The following NEK10 variants were observed in gnomAD, a reference collection of about 807,000 sequenced individuals.
NEK10 encodes the protein NIMA related kinase 10.
In NEK10, 122 loss-of-function variants were observed where a neutral mutation model predicts 159.8. The ratio of observed to expected loss-of-function variants is 0.76; its 90% CI spans 0.66 to 0.89. NEK10 has a LOEUF of 0.89. Among genes scored for constraint, NEK10 ranks in the 40% least tolerant of loss-of-function variants. The pLI is 0.00. For synonymous variants in NEK10, 466 were observed against 457.1 expected (o/e 1.02, Z -0.25); for missense variants, 1,342 against 1,323.1 (o/e 1.01, Z -0.22).
At position 27,108,497 on chromosome 3, in the gene NEK10, T is replaced by C. The variant is rs1005778377; in HGVS notation, c.*2775A>G. Among the ~76,000 whole-genome samples, 1 of 152,218 alleles carries C rather than the reference T, an allele frequency of 6.6e-6. No individual in the cohort carries two copies. The highest frequency in any genetic ancestry group is 2.4e-5 in the African/African-American group (1 of 41,448). ...ACATAATTCAGAAAGAGCTGGTGGG[T>C]CGAAACATAATTAACGGGAGCATTT... On this transcript the variant is annotated 3_prime_UTR_variant, in exon 36 of 36. Transcript: ENST00000691995.
chr3:27,262,218 T>C (rs4973758), intron 22 of NEK10, among the ~76,000 whole-genome samples: 39,124 of 152,132 alleles, frequency 0.26, 5,204 homozygotes, highest in Middle Eastern at 0.38. Flanking sequence ...GTCTGATGGG[T>C]TTCCCTTTGT....
chr3:27,230,323 G>A (rs959056560), intron 23 of NEK10, among the ~76,000 whole-genome samples: 1 of 152,006 alleles, frequency 6.6e-6, no homozygotes, highest in Admixed American at 6.6e-5. Context: ...CAAATGCTGA[G>A]GGAATTTGCC....
Position 27,287,684 on chromosome 3 carries a change from A to G in NEK10, c.1789+14T>C. The G allele has an allele frequency of 6.4e-7, 1 of 1,561,820 alleles. No homozygotes were observed. Among genetic ancestry groups the G allele is most frequent in the Non-Finnish European group, 8.6e-7 (1 of 1,160,536 alleles). On this transcript the variant is annotated intron_variant, in intron 20 of 35. Coordinates refer to ENST00000691995, the MANE Select transcript of NEK10 (RefSeq NM_001394966.1). The stretch of plus-strand genomic sequence containing the variant: ...GTTTCCTTATTTAGAAATATCATGA[A>G]AACTCATACTTACTTTCCAGAAATG...
chr3:27,257,549 T>C (rs1956332418), intron 22 of NEK10, among the ~76,000 whole-genome samples: 1 of 152,164 alleles, frequency 6.6e-6, no homozygotes, highest in Non-Finnish European at 1.5e-5. Flanking sequence ...TTATTAATAA[T>C]AATACACGTT....
chr3:27,363,456 C>T (rs551466358), intron 1 of NEK10, among the ~76,000 whole-genome samples: 2 of 152,156 alleles, frequency 1.3e-5, no homozygotes, highest in Non-Finnish European at 2.9e-5. Flanking sequence ...ATGAATCAAT[C>T]AATGAACAAA....
chr3:27,246,304 T>C (rs1159697652), intron 23 of NEK10, among the ~76,000 whole-genome samples: 1 of 152,190 alleles, frequency 6.6e-6, no homozygotes. Context: ...TTGTTGCAGA[T>C]TATTTTGTCA....
rs1436479718 is a variant in NEK10 at position 27,201,585 on chromosome 3, AAAAC to A, written c.2221-9_2221-6del. ...TTCATATACCGCCTCCACTATCTGCAAAACAAACAGACTAGAGTGATGGAAGTAA... is the reference window on the plus strand; with the variant it reads ...TTCATATACCGCCTCCACTATCTGCAAAACAGACTAGAGTGATGGAAGTAA... On this transcript the variant is annotated splice_polypyrimidine_tract_variant and splice_region_variant and intron_variant, in intron 24 of 35. Transcript: ENST00000691995. The A allele has an allele frequency of 3.7e-6, 6 of 1,612,390 alleles. No homozygotes were observed. Among genetic ancestry groups the A allele is most frequent in the Non-Finnish European group, 4.2e-6 (5 of 1,178,514 alleles).
intron 29 of NEK10, 118 bp downstream of exon 29, chr3:27,171,701 C>G (rs1946999570): frequency 1.0e-6 from 1 of 987,254 alleles, no homozygotes; most frequent in Admixed American, 2.4e-5. Context: ...CAAGTAAGCT[C>G]TAACTCCTAT....
In NEK10 at chr3:27,214,017, A is replaced by G. The variant is rs574343926; in HGVS notation, c.2091-11460T>C. Among the ~76,000 whole-genome samples, 12 of 152,330 alleles carry G rather than the reference A, an allele frequency of 7.9e-5. No homozygotes were observed. The South Asian group carries it at 8.3e-4, about 11-fold the overall frequency. On this transcript the variant is annotated intron_variant, in intron 23 of 35. Coordinates refer to ENST00000691995, the MANE Select transcript of NEK10 (RefSeq NM_001394966.1). Reference sequence around the variant, plus strand: ...TAAGGGCAGCCACCTATGCAACTTCATCTACATGATAAGAACCTTGGTCTC... The same window carrying G: ...TAAGGGCAGCCACCTATGCAACTTCGTCTACATGATAAGAACCTTGGTCTC...
chr3:27,210,851 G>A (rs535848979), intron 23 of NEK10, among the ~76,000 whole-genome samples: 2 of 152,316 alleles, frequency 1.3e-5, no homozygotes, highest in East Asian at 1.9e-4. Context: ...GAACCAGAGT[G>A]ACAAGACACT....
chr3:27,228,385 T>C (rs2149194226), intron 23 of NEK10, among the ~76,000 whole-genome samples: 1 of 152,268 alleles, frequency 6.6e-6, no homozygotes, highest in Admixed American at 6.5e-5. Context: ...CTATCTCCTG[T>C]TATAGAGAAA....
chr3:27,281,000 GA>G (rs911021204), intron 22 of NEK10, among the ~76,000 whole-genome samples: 2 of 148,028 alleles, frequency 1.4e-5, no homozygotes, highest in African/African-American at 5.0e-5. Flanking sequence ...GGATGCTAAA[GA>G]AAAAAAAGTC....
In NEK10 at chr3:27,352,879, G is replaced by A. The variant is rs1431215757; in HGVS notation, c.4C>T (p.Pro2Ser). 2 of 1,604,890 alleles carry A rather than the reference G, an allele frequency of 1.2e-6. No individual in the cohort carries two copies. Among genetic ancestry groups the A allele is most frequent in the Non-Finnish European group, 1.7e-6 (2 of 1,172,542 alleles). The change falls in exon 2 of 36, where the codon CCT becomes TCT. Residue 2 changes from proline (P) to serine (S), a missense_variant. Pro to Ser is a moderately conservative substitution (Grantham distance 74). Transcript: ENST00000691995. M[P>S]DQDKKVKTTE... is the part of the protein sequence containing the mutation. ...GTCTTCACCTTTTTATCTTGATCAG[G>A]CATTGTAAAACATCAATGCCCCAGA...
At position 27,202,466 on chromosome 3, in the gene NEK10, G is replaced by C; in HGVS notation, c.2182C>G (p.Pro728Ala). 2 of 1,613,718 alleles carry C rather than the reference G, an allele frequency of 1.2e-6. No individual in the cohort carries two copies. Among genetic ancestry groups the C allele is most frequent in the African/African-American group, 1.3e-5 (1 of 75,016 alleles). Residue 728 changes from proline (P) to alanine (A), a missense_variant, in exon 24 of 36, where the codon CCC (proline) becomes GCC (alanine). By Grantham distance (27) the Pro-to-Ala change is conservative (BLOSUM62 -1). Coordinates refer to ENST00000691995, the MANE Select transcript of NEK10 (RefSeq NM_001394966.1). Reference sequence around the variant, plus strand: ...GACAGCATGTTAGTGCTGTAGAAGGGGGGACTCAAAGTCGCCATCTGATAA... The same window carrying C: ...GACAGCATGTTAGTGCTGTAGAAGGCGGGACTCAAAGTCGCCATCTGATAA... The part of the protein sequence containing the change: ...ILYQMATLSP[P>A]FYSTNMLSLA...
chr3:27,137,822 C>A (rs922874169), intron 31 of NEK10, among the ~76,000 whole-genome samples: 3 of 152,178 alleles, frequency 2.0e-5, no homozygotes, highest in Admixed American at 2.0e-4. Context: ...CTACTCAGCC[C>A]CAGGCTTAAA....
chr3:27,204,840 G>A (rs1389257431), intron 23 of NEK10, among the ~76,000 whole-genome samples: 1 of 141,266 alleles, frequency 7.1e-6, no homozygotes, highest in Admixed American at 7.5e-5. Context: ...TGGGATGGCT[G>A]GGTCAAATGG....
intron 1 of NEK10, among the ~76,000 whole-genome samples, chr3:27,368,108 C>T (rs2049231701): frequency 6.6e-6 from 1 of 152,044 alleles, no homozygotes; most frequent in African/African-American, 2.4e-5. Context: ...GCCTGACCAA[C>T]ATGGTGAAAC....
intron 23 of NEK10, among the ~76,000 whole-genome samples, chr3:27,229,229 G>A (rs1001451710): frequency 2.6e-5 from 4 of 152,164 alleles, no homozygotes; most frequent in African/African-American, 9.7e-5. Context: ...GAAAGCCAGT[G>A]CACAAAGTCT....
chr3:27,343,271 T>C (rs920724875), intron 5 of NEK10, among the ~76,000 whole-genome samples: 2 of 152,194 alleles, frequency 1.3e-5, no homozygotes, highest in African/African-American at 2.4e-5. Flanking sequence ...AAGTCATCAC[T>C]TAAGCACGTA....
Sources: allele counts gnomAD v4.1 joint callset (sites outside exome capture counted in the v4.1 genomes callset), GRCh38; gene constraint gnomAD v4.1.1; transcripts MANE v1.5; gene names NCBI Gene and HGNC (gene_info 2026-07-23, HGNC 2026-07-21).